Variants in TMLHE observed in about 807,000 individuals in gnomAD.
TMLHE encodes trimethyllysine hydroxylase, epsilon.
TMLHE carries 18 observed loss-of-function variants against 25.7 expected under a neutral mutation model. The observed-to-expected ratio is 0.70, with a 90% CI of 0.48 to 1.04. The LOEUF (loss-of-function observed/expected upper bound fraction) is 1.04. TMLHE is among the 50% of genes least tolerant of loss of function. TMLHE has a pLI of 0.00. For missense variants in TMLHE, 236 were observed against 259.0 expected (o/e 0.91, Z 0.61); for synonymous variants, 105 against 97.0 (o/e 1.08, Z -0.49).
chrX:155,555,958 T>A (rs1202832111), intron 1 of TMLHE, among the ~76,000 whole-genome samples: 1 of 110,473 alleles, frequency 9.1e-6, no homozygotes, highest in Non-Finnish European at 1.9e-5. Flanking sequence ...GCCTATGTCC[T>A]GAATGGTATT....
intron 1 of TMLHE, among the ~76,000 whole-genome samples, chrX:155,550,603 C>T (rs1873331941): frequency 9.0e-6 from 1 of 111,057 alleles, no homozygotes; most frequent in African/African-American, 3.3e-5. Flanking sequence ...TGAAGCAACA[C>T]ATTCACATCT....
At chrX:155,582,797 T>C in intron 1 of TMLHE, among the ~76,000 whole-genome samples, 1 of 112,044 alleles carries the variant, frequency 8.9e-6, no homozygotes, top group Non-Finnish European at 1.9e-5. Flanking sequence ...AGAAATACCA[T>C]TTGACCCAGC....
intron 1 of TMLHE, among the ~76,000 whole-genome samples, chrX:155,565,194 G>A (rs2067508241): frequency 1.6e-5 from 1 of 62,178 alleles, no homozygotes; most frequent in African/African-American, 3.6e-5. Flanking sequence ...GGAAAGGGAA[G>A]ACCTTAAAGA....
Position 155,514,037 on chromosome X carries a change from G to C in TMLHE, c.587C>G (p.Pro196Arg), listed in dbSNP as rs1354678711. The change falls in exon 4 of 8, where the codon CCT (proline) becomes CGT (arginine). Residue 196 changes from proline (P) to arginine (R), a missense_variant. Pro to Arg is a moderately radical substitution (Grantham distance 103, BLOSUM62 -2). Transcript: ENST00000334398. ...CTTCTCTGTGTGCTCTTGAGTGGGA[G>C]GGACATTTTCTACGAATGCAATTCC... ...LYGIAFVENV[P>R]PTQEHTEKLA... 2 of 1,210,844 alleles carry C rather than the reference G, an allele frequency of 1.7e-6. No individual in the cohort carries two copies. The highest frequency in any genetic ancestry group is 2.2e-6 in the Non-Finnish European group (2 of 894,924).
chrX:155,602,672 T>G (rs2067762625), intron 1 of TMLHE, among the ~76,000 whole-genome samples: 1 of 110,899 alleles, frequency 9.0e-6, no homozygotes, highest in African/African-American at 3.3e-5. Flanking sequence ...CACACTCACA[T>G]GCACACATAC....
rs782519170 is a variant in TMLHE at position 155,559,646 on chromosome X, G to A, written c.-1-14369C>T. 5.4e-5 allele frequency among the ~76,000 whole-genome samples: 6 copies of A among 112,035 alleles called. No individual in the cohort carries two copies. The South Asian group carries it at 2.2e-3, about 41-fold the overall frequency. On this transcript the variant is annotated intron_variant, in intron 1 of 7. Coordinates refer to ENST00000334398, the MANE Select transcript of TMLHE (RefSeq NM_018196.4). ...ATAGGTCAATCTGAATCTTTTCATGGTTATTACTAAGGAAGAAGCATTACC... is the reference window on the plus strand; with the variant it reads ...ATAGGTCAATCTGAATCTTTTCATGATTATTACTAAGGAAGAAGCATTACC...
intron 1 of TMLHE, among the ~76,000 whole-genome samples, chrX:155,593,579 C>T (rs1320077072): frequency 1.8e-5 from 2 of 111,913 alleles, no homozygotes; most frequent in African/African-American, 6.5e-5. Context: ...AAAACTCCAA[C>T]AATGGGTCCT....
chrX:155,542,544 C>G (rs1475610291), intron 2 of TMLHE, among the ~76,000 whole-genome samples: 1 of 111,548 alleles, frequency 9.0e-6, no homozygotes, highest in Admixed American at 9.5e-5. Context: ...TCAAGGGACC[C>G]TGAATAGTCA....
At chrX:155,549,184 G>T (rs1471594385) in intron 1 of TMLHE, among the ~76,000 whole-genome samples, 1 of 111,065 alleles carries the variant, frequency 9.0e-6, no homozygotes, top group East Asian at 2.8e-4. Flanking sequence ...TGTCATATAT[G>T]AATAGAGTTC....
intron 1 of TMLHE, among the ~76,000 whole-genome samples, chrX:155,546,513 C>T (rs2067345911): frequency 9.1e-6 from 1 of 110,440 alleles, no homozygotes; most frequent in African/African-American, 3.3e-5. Flanking sequence ...CTGGTGAGTG[C>T]CTGTGTGTGT....
At chrX:155,580,734 T>C (rs1603083369) in intron 1 of TMLHE, among the ~76,000 whole-genome samples, 2 of 111,602 alleles carry the variant, frequency 1.8e-5, no homozygotes, top group Admixed American at 9.5e-5. Flanking sequence ...GAAACTACTC[T>C]TTATAAAACC....
At chrX:155,522,527 AC>A (rs2067194380) in intron 3 of TMLHE, among the ~76,000 whole-genome samples, 1 of 112,024 alleles carries the variant, frequency 8.9e-6, no homozygotes. Context: ...CCTTCGTGTT[AC>A]CCTTTTACAG....
At chrX:155,554,642 C>T (rs1258947655) in intron 1 of TMLHE, among the ~76,000 whole-genome samples, 1 of 108,528 alleles carries the variant, frequency 9.2e-6, no homozygotes, top group African/African-American at 3.4e-5. Context: ...GGTTATGGTA[C>T]TTTTTGAATC....
At position 155,514,098 on chromosome X, in the gene TMLHE, C is replaced by G. The variant is rs782112351; in HGVS notation, c.526G>C (p.Gly176Arg). 1.7e-6 allele frequency: 2 copies of G among 1,210,830 alleles called. No individual in the cohort carries two copies. Among genetic ancestry groups the G allele is most frequent in the Non-Finnish European group, 2.2e-6 (2 of 895,060 alleles). Residue 176 changes from glycine (G) to arginine (R), a missense_variant, in exon 4 of 8, where the codon GGA (glycine) becomes CGA (arginine). Physicochemically the swap from Gly to Arg is moderately radical, Grantham distance 125. Around this residue, in one of 2 missense-constraint regions of TMLHE, gnomAD observed 217 missense variants for 214.6 expected, o/e 1.01. Coordinates refer to ENST00000334398, the MANE Select transcript of TMLHE (RefSeq NM_018196.4). ...DCQSFLETNE[G>R]LKKFLQNFLL... ...AAGTTTTGCAGAAACTTCTTCAGTC[C>G]CTCGTTGGTTTCTAAGAAGCTCTGG...
At chrX:155,592,341 T>C (rs187329445) in intron 1 of TMLHE, among the ~76,000 whole-genome samples, 4 of 112,081 alleles carry the variant, frequency 3.6e-5, no homozygotes, top group African/African-American at 1.3e-4. Flanking sequence ...CAGGCTTTAC[T>C]TCTCTCCATA....
intron 2 of TMLHE, among the ~76,000 whole-genome samples, chrX:155,543,521 T>C (rs2124408191): frequency 8.9e-6 from 1 of 112,197 alleles, no homozygotes; most frequent in Admixed American, 9.4e-5. Flanking sequence ...TTAAATAAAT[T>C]GGAGAACACA....
chrX:155,530,329 T>A (rs940053034), intron 2 of TMLHE, among the ~76,000 whole-genome samples: 1 of 110,080 alleles, frequency 9.1e-6, no homozygotes, highest in Admixed American at 9.7e-5. Flanking sequence ...AGAAAAAAAA[T>A]TTGCATGATC....
chrX:155,545,074 T>A, intron 2 of TMLHE, 22 bp downstream of exon 2: 1 of 1,198,279 alleles, frequency 8.3e-7, no homozygotes, highest in Non-Finnish European at 1.1e-6. Context: ...TTAAAAAGTA[T>A]CTGTCTTCAC....
chrX:155,548,133 A>G (rs1201686556), intron 1 of TMLHE, among the ~76,000 whole-genome samples: 2 of 112,137 alleles, frequency 1.8e-5, no homozygotes, highest in Non-Finnish European at 3.8e-5. Flanking sequence ...ACCGCAAACT[A>G]TGAAACTACT....
Sources: gnomAD v4.1 joint callset for allele counts (sites outside exome capture counted in the v4.1 genomes callset) on GRCh38, gnomAD v4.1.1 for gene constraint, gnomAD v4.1.1 regional missense constraint, MANE v1.5 for transcripts, NCBI Gene and HGNC (gene_info 2026-07-23, HGNC 2026-07-21) for gene names.